TP63: variants seen among roughly 807,000 people sequenced by gnomAD.
The protein encoded by TP63 is tumor protein 63.
TP63 carries 17 observed loss-of-function variants against 82.8 expected under a neutral mutation model. That is an observed-to-expected ratio of 0.21 (90% confidence interval 0.14 to 0.31). TP63 has a LOEUF of 0.31. Ranked by LOEUF, TP63 falls within the 10% of genes least tolerant of loss-of-function variation. TP63 has a pLI of 1.00. For synonymous variants in TP63, 330 were observed against 321.7 expected, an observed-to-expected ratio of 1.03 and a Z score of -0.28; for missense variants, 648 against 895.3, an observed-to-expected ratio of 0.72 and a Z score of 3.52.
intron 3 of TP63, among the ~76,000 whole-genome samples, chr3:189,803,154 C>T (rs561334339): frequency 8.9e-4 from 135 of 152,130 alleles, no homozygotes; most frequent in Non-Finnish European, 1.5e-3. Context: ...CAAAATCAGC[C>T]GGGCATGGTG....
intron 3 of TP63, among the ~76,000 whole-genome samples, chr3:189,778,040 G>A (rs1441357620): frequency 2.6e-5 from 4 of 151,790 alleles, no homozygotes; most frequent in Non-Finnish European, 4.4e-5. Flanking sequence ...ATTTCCAGTA[G>A]AGGCAGGGTT....
chr3:189,704,757 C>T (rs977385563), intron 1 of TP63, among the ~76,000 whole-genome samples: 6 of 152,166 alleles, frequency 3.9e-5, no homozygotes, highest in Admixed American at 1.3e-4. Context: ...TTTCACAATT[C>T]GGACACTCTC....
intron 1 of TP63, among the ~76,000 whole-genome samples, chr3:189,661,479 A>G (rs1374529184): frequency 6.6e-6 from 1 of 151,970 alleles, no homozygotes; most frequent in Non-Finnish European, 1.5e-5. Flanking sequence ...ATATGTTGGT[A>G]TTTTGTTGAG....
chr3:189,684,122 G>T (rs1313214151), intron 1 of TP63, among the ~76,000 whole-genome samples: 2 of 152,078 alleles, frequency 1.3e-5, no homozygotes, highest in Non-Finnish European at 2.9e-5. Context: ...AACACCTTAA[G>T]ATTACAGAGA....
chr3:189,618,504 G>A, the TP63 span, among the ~76,000 whole-genome samples: 1 of 152,140 alleles, frequency 6.6e-6, no homozygotes, highest in Non-Finnish European at 1.5e-5. Context: ...TGACCTTGCT[G>A]GTCATAATGG....
intron 9 of TP63, among the ~76,000 whole-genome samples, chr3:189,869,917 GA>G (rs1291695230): frequency 6.6e-6 from 1 of 152,046 alleles, no homozygotes; most frequent in Non-Finnish European, 1.5e-5. Flanking sequence ...ACAAAGGAGA[GA>G]AAATATGTGT....
At chr3:189,791,339 G>A (rs979448756) in intron 3 of TP63, among the ~76,000 whole-genome samples, 1 of 152,032 alleles carries the variant, frequency 6.6e-6, no homozygotes, top group Non-Finnish European at 1.5e-5. Flanking sequence ...GATGTAAAGT[G>A]GCAAGAAATG....
chr3:189,680,151 G>A (rs1715786230), intron 1 of TP63, among the ~76,000 whole-genome samples: 3 of 151,890 alleles, frequency 2.0e-5, no homozygotes, highest in Non-Finnish European at 4.4e-5. Context: ...TGGAATTCTG[G>A]TAGGGATTGC....
At chr3:189,605,914 A>C in the TP63 span, among the ~76,000 whole-genome samples, 27 of 152,218 alleles carry the variant, frequency 1.8e-4, no homozygotes, top group African/African-American at 6.5e-4. Flanking sequence ...ATAGTTTCAA[A>C]GGGCAGAAAG....
At chr3:189,774,793 A>G (rs951051791) in intron 3 of TP63, among the ~76,000 whole-genome samples, 3 of 152,220 alleles carry the variant, frequency 2.0e-5, no homozygotes, top group East Asian at 1.9e-4. Context: ...AGTGCTTTCA[A>G]ATAGGGCATC....
chr3:189,714,067 A>G (rs1453643442), intron 1 of TP63, among the ~76,000 whole-genome samples: 2 of 152,182 alleles, frequency 1.3e-5, no homozygotes, highest in Admixed American at 1.3e-4. Context: ...CCAACTCTTC[A>G]TTTTATATGT....
intron 1 of TP63, among the ~76,000 whole-genome samples, chr3:189,675,979 T>G (rs1715360163): frequency 7.1e-6 from 1 of 140,658 alleles, no homozygotes; most frequent in Non-Finnish European, 1.6e-5. Context: ...GTGAACCCTT[T>G]GAAAAACCAT....
chr3:189,837,787 T>G (rs1713366499), intron 4 of TP63, among the ~76,000 whole-genome samples: 1 of 151,934 alleles, frequency 6.6e-6, no homozygotes, highest in Non-Finnish European at 1.5e-5. Context: ...ATGGCTAATT[T>G]ATGTATTTTT....
chr3:189,626,917 T>A (rs925469675), upstream of TP63, among the ~76,000 whole-genome samples: 1 of 77,844 alleles, frequency 1.3e-5, no homozygotes, highest in East Asian at 4.8e-4. Flanking sequence ...TCATACATTT[T>A]CATGTTTTGT....
intron 5 of TP63, among the ~76,000 whole-genome samples, chr3:189,865,579 T>G (rs1488848995): frequency 6.6e-6 from 1 of 152,070 alleles, no homozygotes; most frequent in Non-Finnish European, 1.5e-5. Flanking sequence ...AATATTAAAA[T>G]ATAAGGATTG....
At chr3:189,739,465 GA>G (rs1429196090) in intron 3 of TP63, among the ~76,000 whole-genome samples, 1 of 152,138 alleles carries the variant, frequency 6.6e-6, no homozygotes, top group Non-Finnish European at 1.5e-5. Flanking sequence ...TTCCTACTAT[GA>G]CAAACAACTT....
At chr3:189,835,320 C>A (rs1177356517) in intron 4 of TP63, among the ~76,000 whole-genome samples, 1 of 152,144 alleles carries the variant, frequency 6.6e-6, no homozygotes, top group African/African-American at 2.4e-5. Context: ...TTTATGAAGG[C>A]ATGTAAAACA....
intron 13 of TP63, among the ~76,000 whole-genome samples, chr3:189,892,946 G>A (rs1577210725): frequency 6.6e-6 from 1 of 152,080 alleles, no homozygotes; most frequent in Admixed American, 6.5e-5. Flanking sequence ...TCCAAATTGA[G>A]AAATGTTGGG....
At chr3:189,614,536 G>A in the TP63 span, among the ~76,000 whole-genome samples, 2 of 152,320 alleles carry the variant, frequency 1.3e-5, no homozygotes, top group Admixed American at 6.5e-5. Flanking sequence ...ATAGGACTAA[G>A]TGGGAACTTC....
Sources: gnomAD v4.1 joint callset for allele counts (sites outside exome capture counted in the v4.1 genomes callset) on GRCh38, gnomAD v4.1.1 for gene constraint, MANE v1.5 for transcripts, NCBI Gene and HGNC (gene_info 2026-07-23, HGNC 2026-07-21) for gene names.